WDR49: variants seen among roughly 807,000 people sequenced by gnomAD.
WDR49 encodes the protein WD repeat domain 49.
In WDR49, 107 loss-of-function variants were observed where a neutral mutation model predicts 119.5. The ratio of observed to expected loss-of-function variants is 0.90; its 90% confidence interval spans 0.77 to 1.05. WDR49 has a LOEUF of 1.05. WDR49 is among the 50% of genes least tolerant of loss of function. WDR49 has a pLI of 0.00. For missense variants in WDR49, 1,240 were observed against 1,220.5 expected, an observed-to-expected ratio of 1.02 and a Z score of -0.24; for synonymous variants, 425 against 418.8, an observed-to-expected ratio of 1.01 and a Z score of -0.18.
chr3:167,537,988 C>T lies in WDR49; in HGVS notation c.1824-988G>A, dbSNP rs188988322. Among the ~76,000 whole-genome samples, 32 of 152,218 alleles carry T rather than the reference C, an allele frequency of 2.1e-4. No individual in the cohort carries two copies. The Middle Eastern group carries it at 0.014, about 65-fold the overall frequency. On this transcript the variant is annotated intron_variant, in intron 10 of 18. Transcript: ENST00000682715. ...TCTGCTTCTCTTCCTGCCTCCTGAT[C>T]TTTCTTTCCCCACTCTTTATTTTCT... is the stretch of plus-strand genomic sequence containing the variant.
intron 10 of WDR49, among the ~76,000 whole-genome samples, chr3:167,546,104 G>A (rs796635877): frequency 7.6e-4 from 116 of 151,776 alleles, no homozygotes; most frequent in African/African-American, 2.7e-3. Flanking sequence ...GGAGAGAGAA[G>A]GTCAATCTTA....
At chr3:167,620,314 G>T (rs1292150615) in intron 5 of WDR49, 115 bp downstream of exon 5, 1 of 1,079,874 alleles carries the variant, frequency 9.3e-7, no homozygotes, top group Non-Finnish European at 1.2e-6. Flanking sequence ...AACCTCCAGA[G>T]AACCAATTAT....
In WDR49 at chr3:167,529,899, G is replaced by A. The variant is rs1461482025; in HGVS notation, c.2219-660C>T. 3.3e-5 allele frequency among the ~76,000 whole-genome samples: 5 copies of A among 152,158 alleles called. No homozygotes were observed. The East Asian group carries it at 9.6e-4, about 29-fold the overall frequency. On this transcript the variant is annotated intron_variant, in intron 13 of 18. Transcript: ENST00000682715. ...TTTTGTGGCAAGGTTCCTATTATTT[G>A]ATAAATCTGTAGATGACTTCCAGTT...
intron 4 of WDR49, among the ~76,000 whole-genome samples, chr3:167,621,190 TA>T (rs999001883): frequency 1.3e-5 from 2 of 152,094 alleles, no homozygotes; most frequent in African/African-American, 2.4e-5. Context: ...TTAAGCATCC[TA>T]TGGTGAAAAA....
At chr3:167,609,899 T>C (rs570202172) in intron 5 of WDR49, among the ~76,000 whole-genome samples, 1 of 152,182 alleles carries the variant, frequency 6.6e-6, no homozygotes, top group South Asian at 2.1e-4. Context: ...GAGGCTCCTG[T>C]CACAGGCCCT....
In WDR49 at chr3:167,565,411, A is replaced by ACT. The variant is rs1279410799; in HGVS notation, c.1510-5185_1510-5184dup. Among the ~76,000 whole-genome samples the ACT allele has an allele frequency of 2.7e-5, 4 of 146,462 alleles. No individual in the cohort carries two copies. In the South Asian group the frequency reaches 8.9e-4, roughly 32 times the overall value. On this transcript the variant is annotated intron_variant, in intron 8 of 18. Coordinates refer to ENST00000682715, the MANE Select transcript of WDR49 (RefSeq NM_001366157.1). ...CACACACACACACACACACACACAC[A>ACT]CTTATATGTAAAATGCATGTGTATA...
At chr3:167,500,507 AGGAACTCAAGGCTTCCCATTC>A (rs1751522296) in intron 17 of WDR49, among the ~76,000 whole-genome samples, 2 of 152,206 alleles carry the variant, frequency 1.3e-5, no homozygotes, top group Non-Finnish European at 2.9e-5. Context: ...AGGAACCAAG[AGGAACTCAAGGCTTCCCATTC>A]ATTTTTTTTT....
chr3:167,485,390 GT>G (rs1465939092), intron 18 of WDR49, among the ~76,000 whole-genome samples: 1 of 151,100 alleles, frequency 6.6e-6, no homozygotes, highest in African/African-American at 2.4e-5. Flanking sequence ...AAAAATAAAA[GT>G]TGAAAAAAAA....
intron 8 of WDR49, 130 bp downstream of exon 8, chr3:167,575,788 A>G (rs1481326772): frequency 2.3e-6 from 2 of 880,220 alleles, no homozygotes; most frequent in South Asian, 1.7e-5. Flanking sequence ...GCACATGGCT[A>G]TTAAATCATT....
At chr3:167,534,364 G>A (rs1752953155) in intron 11 of WDR49, among the ~76,000 whole-genome samples, 1 of 152,078 alleles carries the variant, frequency 6.6e-6, no homozygotes, top group African/African-American at 2.4e-5. Flanking sequence ...TGAAGAGATT[G>A]TCTACCCACC....
At chr3:167,507,533 G>GT (rs1171779534) in intron 16 of WDR49, among the ~76,000 whole-genome samples, 1 of 152,194 alleles carries the variant, frequency 6.6e-6, no homozygotes, top group Non-Finnish European at 1.5e-5. Context: ...AATTATTCAT[G>GT]TAAACATGTG....
intron 14 of WDR49, 83 bp downstream of exon 14, chr3:167,528,969 C>T: frequency 8.5e-7 from 1 of 1,178,444 alleles, no homozygotes; most frequent in Non-Finnish European, 1.1e-6. Context: ...GTTTAGGAGA[C>T]AGACAAGGCT....
At chr3:167,545,855 T>A (rs1712158418) in intron 10 of WDR49, among the ~76,000 whole-genome samples, 1 of 149,730 alleles carries the variant, frequency 6.7e-6, no homozygotes, top group Non-Finnish European at 1.5e-5. Context: ...CCCCCAAAAC[T>A]ATTGAAATAA....
chr3:167,491,928 TG>T (rs1451595416), intron 18 of WDR49, among the ~76,000 whole-genome samples: 2 of 152,118 alleles, frequency 1.3e-5, no homozygotes, highest in Non-Finnish European at 2.9e-5. Flanking sequence ...AAACATCACC[TG>T]GGGATTTTAA....
chr3:167,525,890 C>CTTTCCTTTCCCTCT (rs1424701931), intron 15 of WDR49, among the ~76,000 whole-genome samples: 3 of 151,284 alleles, frequency 2.0e-5, no homozygotes, highest in Non-Finnish European at 4.4e-5. Context: ...TCTCCTCTCT[C>CTTTCCTTTCCCTCT]TTTCCTTTCC....
chr3:167,597,194 G>A (rs1051254334), intron 7 of WDR49, among the ~76,000 whole-genome samples: 1 of 152,140 alleles, frequency 6.6e-6, no homozygotes, highest in Non-Finnish European at 1.5e-5. Context: ...CTGCATCCCA[G>A]CTGCTCCAGC....
chr3:167,648,361 C>A (rs140948447), intron 2 of WDR49, among the ~76,000 whole-genome samples: 13 of 151,778 alleles, frequency 8.6e-5, no homozygotes, highest in African/African-American at 3.1e-4. Flanking sequence ...GCAATAGGAC[C>A]GACTATTAAA....
At chr3:167,610,116 G>A (rs943758399) in intron 5 of WDR49, among the ~76,000 whole-genome samples, 1 of 152,212 alleles carries the variant, frequency 6.6e-6, no homozygotes, top group Non-Finnish European at 1.5e-5. Context: ...ACTAGCTGTG[G>A]AGGCTATGGG....
intron 5 of WDR49, among the ~76,000 whole-genome samples, chr3:167,614,465 G>A (rs1716503518): frequency 6.6e-6 from 1 of 152,090 alleles, no homozygotes; most frequent in South Asian, 2.1e-4. Flanking sequence ...ATATGAGGAG[G>A]AAATTATTAA....
Sources: gnomAD v4.1 joint callset for allele counts (sites outside exome capture counted in the v4.1 genomes callset) on GRCh38, gnomAD v4.1.1 for gene constraint, MANE v1.5 for transcripts, NCBI Gene and HGNC (gene_info 2026-07-23, HGNC 2026-07-21) for gene names.